Variants in EDN1 observed in about 807,000 individuals in gnomAD.
EDN1 encodes the protein endothelin-1.
In EDN1, 11 loss-of-function variants were observed where a neutral mutation model predicts 21.7. The observed-to-expected ratio is 0.51, with a 90% CI of 0.32 to 0.84. The LOEUF is 0.84. Among genes scored for constraint, EDN1 ranks in the 40% least tolerant of loss-of-function variants. EDN1 has a pLI of 0.03. For missense variants in EDN1, 244 were observed against 262.3 expected (o/e 0.93, Z 0.48); for synonymous variants, 85 against 90.6 (o/e 0.94, Z 0.35).
At chr6:12,289,031 T>C (rs1040194401), upstream of EDN1, among the ~76,000 whole-genome samples, 2 of 152,180 alleles carry the variant, frequency 1.3e-5, no homozygotes, top group African/African-American at 4.8e-5. Context: ...TTGTCTAACC[T>C]GAAAAATGGG....
At chr6:12,275,970 G>A in the EDN1 span, among the ~76,000 whole-genome samples, 12 of 152,128 alleles carry the variant, frequency 7.9e-5, no homozygotes, top group Non-Finnish European at 1.6e-4. Context: ...AGACCATCCT[G>A]GCTGACATGG....
upstream of EDN1, among the ~76,000 whole-genome samples, chr6:12,287,630 A>C (rs1762575522): frequency 6.8e-6 from 1 of 147,132 alleles, no homozygotes; most frequent in Admixed American, 6.7e-5. Context: ...CTGACACACA[A>C]AGAAAAAGAC....
At chr6:12,264,419 T>C in the EDN1 span, among the ~76,000 whole-genome samples, 1 of 152,284 alleles carries the variant, frequency 6.6e-6, no homozygotes, top group East Asian at 1.9e-4. Context: ...TTTCCAAAAA[T>C]AATAGGAGCA....
the EDN1 span, among the ~76,000 whole-genome samples, chr6:12,267,332 A>T: frequency 6.6e-6 from 1 of 152,350 alleles, no homozygotes; most frequent in East Asian, 1.9e-4. Context: ...AGGTCCCTGT[A>T]GCCCATGGAT....
At chr6:12,267,367 C>G in the EDN1 span, among the ~76,000 whole-genome samples, 3 of 152,092 alleles carry the variant, frequency 2.0e-5, no homozygotes, top group Non-Finnish European at 4.4e-5. Flanking sequence ...GACTTTCAAG[C>G]CTTATAATTT....
chr6:12,267,716 G>A, the EDN1 span, among the ~76,000 whole-genome samples: 8 of 152,178 alleles, frequency 5.3e-5, no homozygotes, highest in Non-Finnish European at 1.2e-4. Context: ...GGGGAAGGTG[G>A]TTGCACTAAA....
the EDN1 span, among the ~76,000 whole-genome samples, chr6:12,270,053 C>T: frequency 6.6e-6 from 1 of 151,924 alleles, no homozygotes; most frequent in African/African-American, 2.4e-5. Context: ...TACCTAGAAA[C>T]TTAACCATTT....
Position 12,296,271 on chromosome 6 carries a change from C to T in EDN1, c.*204C>T, listed in dbSNP as rs1326153252. 3 of 552,274 alleles carry T rather than the reference C, an allele frequency of 5.4e-6. No homozygotes were observed. Among genetic ancestry groups the T allele is most frequent in the African/African-American group, 1.9e-5 (1 of 52,820 alleles). The allele number at this position is 552,274 out of a possible 1,614,324, so 34.2% of individuals were successfully genotyped here. A position where few individuals can be genotyped will look rare whatever the true frequency, so the allele number is the denominator to read the frequency against. On this transcript the variant is annotated 3_prime_UTR_variant, in exon 5 of 5. Coordinates refer to ENST00000379375, the MANE Select transcript of EDN1 (RefSeq NM_001955.5). The stretch of plus-strand genomic sequence containing the variant: ...CTTCACTGGCTTCCATCAGTGGTAA[C>T]TGCTTTGGTCTCTTCTTTCATCTGG...
At chr6:12,247,278 T>G in the EDN1 span, among the ~76,000 whole-genome samples, 1 of 152,128 alleles carries the variant, frequency 6.6e-6, no homozygotes, top group Non-Finnish European at 1.5e-5. Context: ...TAAGTGAACC[T>G]TGGTGTGTAA....
At chr6:12,243,649 G>A in the EDN1 span, among the ~76,000 whole-genome samples, 2 of 152,160 alleles carry the variant, frequency 1.3e-5, no homozygotes, top group South Asian at 4.1e-4. Flanking sequence ...AAATGAATGT[G>A]AGAAGAATTT....
the EDN1 span, among the ~76,000 whole-genome samples, chr6:12,234,894 T>C: frequency 6.6e-6 from 1 of 152,236 alleles, no homozygotes; most frequent in African/African-American, 2.4e-5. Flanking sequence ...CTCTAGATCA[T>C]TCATGAAGAA....
chr6:12,249,939 T>C, the EDN1 span, among the ~76,000 whole-genome samples: 4 of 152,112 alleles, frequency 2.6e-5, no homozygotes, highest in South Asian at 8.3e-4. Context: ...AACAAGCAAA[T>C]TCCCTGGCAT....
At chr6:12,271,267 T>TC in the EDN1 span, among the ~76,000 whole-genome samples, 1 of 152,186 alleles carries the variant, frequency 6.6e-6, no homozygotes, top group Admixed American at 6.5e-5. Context: ...TTTCTTCCTC[T>TC]CTTATGGCTA....
chr6:12,292,239 TCTG>T, intron 1 of EDN1, 99 bp from the exon 2 acceptor site: 1 of 1,527,218 alleles, frequency 6.5e-7, no homozygotes, highest in Admixed American at 1.7e-5. Context: ...GTGTGCTTCA[TCTG>T]CTTTTATCTG....
chr6:12,233,857 G>C, the EDN1 span, among the ~76,000 whole-genome samples: 288 of 152,328 alleles, frequency 1.9e-3, 8 homozygotes, highest in East Asian at 0.051. Context: ...TTGAACTGCT[G>C]CTCATGGGAG....
the EDN1 span, among the ~76,000 whole-genome samples, chr6:12,242,450 T>C: frequency 4.3e-4 from 66 of 152,328 alleles, no homozygotes; most frequent in African/African-American, 1.6e-3. Flanking sequence ...TGTGACTGTG[T>C]AGCCCTGGGA....
the EDN1 span, among the ~76,000 whole-genome samples, chr6:12,258,425 G>C: frequency 7.7e-6 from 1 of 129,776 alleles, no homozygotes; most frequent in African/African-American, 2.9e-5. Context: ...ATTCCAGCCT[G>C]GGTTTCGGAG....
chr6:12,254,528 C>T, the EDN1 span, among the ~76,000 whole-genome samples: 2 of 152,140 alleles, frequency 1.3e-5, no homozygotes, highest in South Asian at 2.1e-4. Context: ...TGGACCATAT[C>T]CCCAGGACAA....
At chr6:12,267,426 TG>T in the EDN1 span, among the ~76,000 whole-genome samples, 1 of 152,174 alleles carries the variant, frequency 6.6e-6, no homozygotes, top group Non-Finnish European at 1.5e-5. Context: ...AATGCCAGAT[TG>T]TTGATATGGA....
Sources: allele counts gnomAD v4.1 joint callset (sites outside exome capture counted in the v4.1 genomes callset), GRCh38; gene constraint gnomAD v4.1.1; transcripts MANE v1.5; gene names NCBI Gene and HGNC (gene_info 2026-07-23, HGNC 2026-07-21).